The following MACROH2A1 variants were observed in gnomAD, a reference collection of about 807,000 sequenced individuals.
The protein encoded by MACROH2A1 is macroH2A.1 histone.
MACROH2A1 carries 2 observed loss-of-function variants against 31.6 expected under a neutral mutation model. The ratio of observed to expected loss-of-function variants is 0.06; its 90% CI spans 0.03 to 0.20. The LOEUF (loss-of-function observed/expected upper bound fraction) is 0.20. Ranked by LOEUF, MACROH2A1 falls within the 10% of genes least tolerant of loss-of-function variation. MACROH2A1 has a pLI of 1.00. For missense variants in MACROH2A1, 230 were observed against 474.0 expected (o/e 0.49, Z 4.78); for synonymous variants, 169 against 189.6 (o/e 0.89, Z 0.89).
At chr5:135,363,975 T>C (rs941704059) in intron 4 of MACROH2A1, among the ~76,000 whole-genome samples, 7 of 152,238 alleles carry the variant, frequency 4.6e-5, no homozygotes, top group African/African-American at 1.7e-4. Context: ...ATGTCTTCAT[T>C]TGAGAAGTGT....
chr5:135,364,083 C>T (rs1373881112), intron 4 of MACROH2A1, among the ~76,000 whole-genome samples: 1 of 152,102 alleles, frequency 6.6e-6, no homozygotes, highest in African/African-American at 2.4e-5. Flanking sequence ...GTCAGATGGC[C>T]TTTGTAGGGA....
At chr5:135,344,299 G>A (rs1223146599) in intron 7 of MACROH2A1, 2 of 152,152 alleles carry the variant, frequency 1.3e-5, no homozygotes, top group Non-Finnish European at 2.9e-5. Flanking sequence ...CTATACAAGA[G>A]CACACCAGAG....
At chr5:135,338,014 G>T (rs752515199) in intron 8 of MACROH2A1, 9 of 1,175,414 alleles carry the variant, frequency 7.7e-6, no homozygotes, top group Non-Finnish European at 9.7e-6. Context: ...AATGGCGGAG[G>T]TAACGGCTTT....
In MACROH2A1 at chr5:135,360,571, C is replaced by A. The variant is rs761273750; in HGVS notation, c.514G>T (p.Asp172Tyr). The change falls in exon 5 of 9, where the codon GAC becomes TAC. Residue 172 changes from aspartate to tyrosine, a missense_variant. Asp to Tyr is a radical substitution (Grantham distance 160, BLOSUM62 -3). Around this residue, in one of 2 missense-constraint regions of MACROH2A1, gnomAD observed 183 missense variants for 319.3 expected, o/e 0.57. Transcript: ENST00000511689. ...QGEVSKAASADSTTEGTPADG... is the reference protein window; with the variant it reads ...QGEVSKAASAYSTTEGTPADG... ...GCAGGTGTGCCCTCGGTTGTGCTGT[C>A]GGCGCTGGCTGCCTTACTGACTTCA... 6.2e-7 allele frequency: 1 copy of A among 1,614,012 alleles called. No homozygotes were observed. Among genetic ancestry groups the A allele is most frequent in the Non-Finnish European group, 8.5e-7 (1 of 1,179,908 alleles).
At chr5:135,381,076 G>T (rs1765594951) in intron 2 of MACROH2A1, among the ~76,000 whole-genome samples, 1 of 152,202 alleles carries the variant, frequency 6.6e-6, no homozygotes, top group African/African-American at 2.4e-5. Flanking sequence ...AGCACTAATT[G>T]TATCTAGAAA....
At chr5:135,365,017 T>C (rs1763323645) in intron 4 of MACROH2A1, among the ~76,000 whole-genome samples, 1 of 152,092 alleles carries the variant, frequency 6.6e-6, no homozygotes, top group Non-Finnish European at 1.5e-5. Flanking sequence ...TTTGAAAAAA[T>C]CCCTGGTGAG....
At chr5:135,363,225 C>T (rs1473166326) in intron 4 of MACROH2A1, among the ~76,000 whole-genome samples, 1 of 152,068 alleles carries the variant, frequency 6.6e-6, no homozygotes, top group Non-Finnish European at 1.5e-5. Context: ...GAAAATGAGA[C>T]TAAGACTGGA....
At chr5:135,351,953 T>C (rs1172508845) in intron 6 of MACROH2A1, among the ~76,000 whole-genome samples, 2 of 151,928 alleles carry the variant, frequency 1.3e-5, no homozygotes, top group Non-Finnish European at 2.9e-5. Flanking sequence ...TATAAGGCAG[T>C]TGGAAAACAA....
rs539219041 is a variant in MACROH2A1, at chr5:135,384,026, G to C, written c.172+4896C>G. 2.0e-5 allele frequency among the ~76,000 whole-genome samples: 3 copies of C among 152,098 alleles called. No homozygotes were observed. The East Asian group carries it at 5.8e-4, about 29-fold the overall frequency. On this transcript the variant is annotated intron_variant, in intron 2 of 8. Coordinates refer to ENST00000511689, the MANE Select transcript of MACROH2A1 (RefSeq NM_138610.3). The stretch of plus-strand genomic sequence containing the variant: ...AGTCCAGGACACATTTGAGTGTCCC[G>C]GATAGGAAGGTGGTAAAGAGATTTG...
intron 4 of MACROH2A1, among the ~76,000 whole-genome samples, chr5:135,364,166 C>A (rs1339774666): frequency 1.3e-5 from 2 of 152,194 alleles, no homozygotes; most frequent in African/African-American, 2.4e-5. Context: ...CGCATGTTCT[C>A]ACTCATAGGT....
Position 135,334,837 on chromosome 5 carries a change from A to T in MACROH2A1, c.*139T>A. ...AAGGTCAAAAACAATTAAACTGGAAACCAAAGCCTTATTTTCCCTAGATGA... is the reference window on the plus strand; with the variant it reads ...AAGGTCAAAAACAATTAAACTGGAATCCAAAGCCTTATTTTCCCTAGATGA... On this transcript the variant is annotated 3_prime_UTR_variant, in exon 9 of 9. Coordinates refer to ENST00000511689, the MANE Select transcript of MACROH2A1 (RefSeq NM_138610.3). 1.4e-6 allele frequency: 1 copy of T among 718,408 alleles called. No individual in the cohort carries two copies. Among genetic ancestry groups the T allele is most frequent in the South Asian group, 1.9e-5 (1 of 52,910 alleles). 44.5% of individuals were successfully genotyped at this position (718,408 alleles called of 1,614,324 possible).
chr5:135,382,062 A>G (rs908541019), intron 2 of MACROH2A1, among the ~76,000 whole-genome samples: 3 of 152,250 alleles, frequency 2.0e-5, no homozygotes, highest in Admixed American at 1.3e-4. Context: ...GAAGGTCTAG[A>G]TGAAAAGAAG....
At chr5:135,348,794 C>T (rs1258941829) in intron 6 of MACROH2A1, among the ~76,000 whole-genome samples, 1 of 152,212 alleles carries the variant, frequency 6.6e-6, no homozygotes, top group East Asian at 1.9e-4. Context: ...GGTGTCTGAA[C>T]CTGCTGAGGA....
intron 2 of MACROH2A1, among the ~76,000 whole-genome samples, chr5:135,385,005 G>C (rs1766199660): frequency 1.3e-5 from 2 of 152,316 alleles, no homozygotes; most frequent in Admixed American, 6.5e-5. Context: ...CCTAGTCCTA[G>C]GTTGGCACTG....
intron 1 of MACROH2A1, among the ~76,000 whole-genome samples, chr5:135,394,790 C>G (rs17168251): frequency 0.022 from 3,354 of 152,294 alleles, 61 homozygotes; most frequent in Middle Eastern, 0.037. Flanking sequence ...GCTCTACTCA[C>G]CACTGTATCT....
intron 8 of MACROH2A1, among the ~76,000 whole-genome samples, chr5:135,338,605 G>C (rs1284792613): frequency 6.6e-6 from 1 of 152,236 alleles, no homozygotes; most frequent in Non-Finnish European, 1.5e-5. Flanking sequence ...AGCAGCAGGG[G>C]CTACATAGAG....
intron 2 of MACROH2A1, among the ~76,000 whole-genome samples, chr5:135,372,714 A>G (rs1764330193): frequency 6.6e-6 from 1 of 152,202 alleles, no homozygotes; most frequent in Non-Finnish European, 1.5e-5. Flanking sequence ...CCAAACCAAG[A>G]GTCTAAGCCC....
At chr5:135,391,593 G>A (rs1011459683) in intron 1 of MACROH2A1, among the ~76,000 whole-genome samples, 2 of 152,214 alleles carry the variant, frequency 1.3e-5, no homozygotes, top group African/African-American at 2.4e-5. Context: ...ACACCTGGCC[G>A]CTGAGCCTCA....
At chr5:135,360,789 T>C in intron 4 of MACROH2A1, 182 bp from the exon 5 acceptor site, 1 of 699,196 alleles carries the variant, frequency 1.4e-6, no homozygotes, top group Admixed American at 2.0e-5. Context: ...TTCTGTGGAG[T>C]GTGTTAAGTT....
Sources: gnomAD v4.1 joint callset for allele counts (sites outside exome capture counted in the v4.1 genomes callset) on GRCh38, gnomAD v4.1.1 for gene constraint, gnomAD v4.1.1 regional missense constraint, MANE v1.5 for transcripts, NCBI Gene and HGNC (gene_info 2026-07-23, HGNC 2026-07-21) for gene names.